RFTN1: variants seen among roughly 807,000 people sequenced by gnomAD.
The protein encoded by RFTN1 is raftlin.
Under a neutral mutation model 46.5 loss-of-function variants are expected in RFTN1, and 26 were observed. The observed-to-expected ratio is 0.56, with a 90% CI of 0.41 to 0.78. The LOEUF is 0.78. Ranked by LOEUF, RFTN1 falls within the 30% of genes least tolerant of loss-of-function variation. RFTN1 has a pLI of 0.00. For synonymous variants in RFTN1, 261 were observed against 284.2 expected, an observed-to-expected ratio of 0.92 and a Z score of 0.82; for missense variants, 693 against 718.7, an observed-to-expected ratio of 0.96 and a Z score of 0.41.
rs2068381175 is a variant in RFTN1 at position 16,316,268 on chromosome 3, A to T, written c.*560T>A. ...CCAGTATCTATAGGACTATTTTGAG[A>T]AAAGCTGGGAGGCGGAGCACCTCCC... On this transcript the variant is annotated 3_prime_UTR_variant, in exon 10 of 10. Coordinates refer to ENST00000334133, the MANE Select transcript of RFTN1 (RefSeq NM_015150.2). The surrounding 1 kb of genome is among the most constrained non-coding windows in gnomAD (Gnocchi z 4.5). 1 of 160,604 alleles carries T rather than the reference A, an allele frequency of 6.2e-6. No homozygotes were observed. The highest frequency in any genetic ancestry group is 1.3e-5 in the Non-Finnish European group (1 of 74,178). 9.9% of individuals were successfully genotyped at this position (160,604 alleles called of 1,614,324 possible).
chr3:16,496,371 G>C (rs1294500446), intron 1 of RFTN1, among the ~76,000 whole-genome samples: 2 of 152,174 alleles, frequency 1.3e-5, no homozygotes, highest in African/African-American at 4.8e-5. Context: ...GAATCAAAGA[G>C]CGCCTAACAA....
At chr3:16,439,432 T>C (rs1433264135) in intron 2 of RFTN1, among the ~76,000 whole-genome samples, 1 of 152,230 alleles carries the variant, frequency 6.6e-6, no homozygotes, top group Admixed American at 6.5e-5. Flanking sequence ...TTGGGCAAGC[T>C]ATATAGCTCC....
Position 16,403,207 on chromosome 3 carries a change from T to G in RFTN1, c.441+6168A>C, listed in dbSNP as rs939711725. ...CATTCTGGCTCTGACAGCCTCCACC[T>G]CTGTCCAGAAAGGGACAAGCTATAC... On this transcript the variant is annotated intron_variant, in intron 4 of 9. Coordinates refer to ENST00000334133, the MANE Select transcript of RFTN1 (RefSeq NM_015150.2). Among the ~76,000 whole-genome samples, 9 of 152,230 alleles carry G rather than the reference T, an allele frequency of 5.9e-5. No individual in the cohort carries two copies. In the East Asian group the frequency reaches 9.6e-4, roughly 16 times the overall value.
intron 7 of RFTN1, among the ~76,000 whole-genome samples, chr3:16,331,162 T>A (rs1423842386): frequency 6.6e-6 from 1 of 152,312 alleles, no homozygotes; most frequent in Non-Finnish European, 1.5e-5. Flanking sequence ...AGACCTTGCC[T>A]TTCACCAATT....
chr3:16,421,597 G>A lies in RFTN1; in HGVS notation c.333-12114C>T, dbSNP rs979246814. Among the ~76,000 whole-genome samples, 6 of 152,004 alleles carry A rather than the reference G, an allele frequency of 3.9e-5. No homozygotes were observed. The highest frequency in any genetic ancestry group is 1.9e-4 in the East Asian group (1 of 5,184). On this transcript the variant is annotated intron_variant, in intron 3 of 9. Coordinates refer to ENST00000334133, the MANE Select transcript of RFTN1 (RefSeq NM_015150.2). The surrounding 1 kb of genome is among the most constrained non-coding windows in gnomAD (Gnocchi z 4.6). ...GATCCCTTGACTTCGTGATCCGCCC[G>A]CCTCGGCCTCCCAAAGTGCTGGGAT...
chr3:16,328,035 A>G (rs542429888), intron 7 of RFTN1, among the ~76,000 whole-genome samples: 54 of 152,322 alleles, frequency 3.5e-4, no homozygotes, highest in African/African-American at 1.3e-3. Flanking sequence ...CTGTATGCCC[A>G]CATAGTTCAT....
chr3:16,463,244 C>T (rs1167512857), intron 2 of RFTN1, among the ~76,000 whole-genome samples: 1 of 152,178 alleles, frequency 6.6e-6, no homozygotes, highest in African/African-American at 2.4e-5. Context: ...GTCTCATTCC[C>T]TCCCTCAAAC....
In RFTN1 at chr3:16,335,119, T is replaced by TGC. The variant is rs1169673156; in HGVS notation, c.1147-8245_1147-8244dup. Among the ~76,000 whole-genome samples, 12 of 152,338 alleles carry TGC rather than the reference T, an allele frequency of 7.9e-5. No individual in the cohort carries two copies. The highest frequency in any genetic ancestry group is 2.9e-4 in the African/African-American group (12 of 41,578). Reference sequence around the variant, plus strand: ...CTCAACAAATGTAAGACAATAAACTTGCGTTGTTTTAAGTCACTAAATCTG... The same window carrying TGC: ...CTCAACAAATGTAAGACAATAAACTTGCGCGTTGTTTTAAGTCACTAAATCTG... On this transcript the variant is annotated intron_variant, in intron 7 of 9. Transcript: ENST00000334133. This position sits in a 1 kb window ranked among gnomAD's most constrained non-coding sequence, Gnocchi z 4.7.
intron 4 of RFTN1, among the ~76,000 whole-genome samples, chr3:16,404,373 T>A (rs1445466646): frequency 5.0e-5 from 1 of 19,978 alleles, no homozygotes; most frequent in East Asian, 9.9e-4. Flanking sequence ...CAATATATAA[T>A]ATATATAATA....
intron 2 of RFTN1, among the ~76,000 whole-genome samples, chr3:16,455,348 C>T (rs764219140): frequency 1.3e-5 from 2 of 152,084 alleles, no homozygotes; most frequent in Non-Finnish European, 2.9e-5. Context: ...ACTTTGTGTG[C>T]GTATGTGAAA....
rs1487665295 is a variant in RFTN1 at position 16,473,927 on chromosome 3, T to C, written c.145+19798A>G. Among the ~76,000 whole-genome samples the C allele has an allele frequency of 6.6e-6, 1 of 152,210 alleles. No individual in the cohort carries two copies. Among genetic ancestry groups the C allele is most frequent in the Non-Finnish European group, 1.5e-5 (1 of 68,032 alleles). ...TGCCTGTGGTCCTGGTGACCTGGGCTGTGCCACATTCCACACTGTTCTATC... is the reference window on the plus strand; with the variant it reads ...TGCCTGTGGTCCTGGTGACCTGGGCCGTGCCACATTCCACACTGTTCTATC... On this transcript the variant is annotated intron_variant, in intron 2 of 9. Transcript: ENST00000334133. This position sits in a 1 kb window ranked among gnomAD's most constrained non-coding sequence, Gnocchi z 5.3.
intron 1 of RFTN1, among the ~76,000 whole-genome samples, chr3:16,497,888 C>T (rs1297042153): frequency 6.6e-6 from 1 of 152,072 alleles, no homozygotes; most frequent in Non-Finnish European, 1.5e-5. Flanking sequence ...AGGACAGGTT[C>T]CCTGATAGCA....
rs1164970944 is a variant in RFTN1, at chr3:16,448,149, A to T, written c.146-14112T>A. Among the ~76,000 whole-genome samples, 1 of 152,048 alleles carries T rather than the reference A, an allele frequency of 6.6e-6. No individual in the cohort carries two copies. Among genetic ancestry groups the T allele is most frequent in the South Asian group, 2.1e-4 (1 of 4,824 alleles). On this transcript the variant is annotated intron_variant, in intron 2 of 9. Transcript: ENST00000334133. This position sits in a 1 kb window ranked among gnomAD's most constrained non-coding sequence, Gnocchi z 4.1. The stretch of plus-strand genomic sequence containing the variant: ...AAAAAAAAAAAAGTCTCCCAATAAT[A>T]ATTTTTTATTGATTCCATATTGAAA...
intron 7 of RFTN1, among the ~76,000 whole-genome samples, chr3:16,333,554 C>A (rs1456164097): frequency 6.6e-6 from 1 of 152,154 alleles, no homozygotes; most frequent in Admixed American, 6.5e-5. Flanking sequence ...CAATCCCCCT[C>A]ATTTAATAAA....
intron 3 of RFTN1, among the ~76,000 whole-genome samples, chr3:16,423,603 G>A (rs2075235849): frequency 6.6e-6 from 1 of 152,122 alleles, no homozygotes; most frequent in African/African-American, 2.4e-5. Flanking sequence ...TATATATCAT[G>A]AAGCAATGAA....
In RFTN1 at chr3:16,383,690, G is replaced by T. The variant is rs2074070124; in HGVS notation, c.442-5588C>A. On this transcript the variant is annotated intron_variant, in intron 4 of 9. Coordinates refer to ENST00000334133, the MANE Select transcript of RFTN1 (RefSeq NM_015150.2). The surrounding 1 kb of genome is among the most constrained non-coding windows in gnomAD (Gnocchi z 4.0). The stretch of plus-strand genomic sequence containing the variant: ...TACGTATTTGTGATTTAGAGTATGT[G>T]TATCAATCGGGGTGAGAAATCAGAA... Among the ~76,000 whole-genome samples the T allele has an allele frequency of 6.6e-6, 1 of 152,186 alleles. No homozygotes were observed. The highest frequency in any genetic ancestry group is 2.4e-5 in the African/African-American group (1 of 41,436).
At chr3:16,462,803 A>C (rs1575327006) in intron 2 of RFTN1, among the ~76,000 whole-genome samples, 1 of 152,256 alleles carries the variant, frequency 6.6e-6, no homozygotes, top group East Asian at 1.9e-4. Flanking sequence ...CAATGGGTGC[A>C]GGTCTCGTTT....
intron 1 of RFTN1, among the ~76,000 whole-genome samples, chr3:16,505,841 C>T (rs1039747298): frequency 2.6e-5 from 4 of 152,214 alleles, no homozygotes; most frequent in Non-Finnish European, 4.4e-5. Flanking sequence ...TCCTTCAAGG[C>T]TGAGCTCTAA....
At position 16,450,539 on chromosome 3, in the gene RFTN1, C is replaced by T. The variant is rs2075806404; in HGVS notation, c.146-16502G>A. ...GGTTAACATGTCTCCCATGTCTATG[C>T]TCCCTCAGGTGGCTTCCACAGGCAA... On this transcript the variant is annotated intron_variant, in intron 2 of 9. Coordinates refer to ENST00000334133, the MANE Select transcript of RFTN1 (RefSeq NM_015150.2). The surrounding 1 kb of genome is among the most constrained non-coding windows in gnomAD (Gnocchi z 4.6). Among the ~76,000 whole-genome samples the T allele has an allele frequency of 6.6e-6, 1 of 152,236 alleles. No homozygotes were observed. Among genetic ancestry groups the T allele is most frequent in the Non-Finnish European group, 1.5e-5 (1 of 68,040 alleles).
Sources: gnomAD v4.1 joint callset for allele counts (sites outside exome capture counted in the v4.1 genomes callset) on GRCh38, gnomAD v4.1.1 for gene constraint, Gnocchi (gnomAD v3.1) non-coding constraint, MANE v1.5 for transcripts, NCBI Gene and HGNC (gene_info 2026-07-23, HGNC 2026-07-21) for gene names.